Variants in ADAM18 observed in about 807,000 individuals in gnomAD.
ADAM18 encodes the protein ADAM metallopeptidase domain 18.
Under a neutral mutation model 94.4 loss-of-function variants are expected in ADAM18, and 117 were observed. That is an observed-to-expected ratio of 1.24 (90% CI 1.07 to 1.45). The LOEUF (loss-of-function observed/expected upper bound fraction) is 1.45, where lower values mean the gene tolerates loss of function less well. Among genes scored for constraint, ADAM18 ranks in the 40% most tolerant of loss-of-function variants. The pLI, the probability that ADAM18 is intolerant of heterozygous loss-of-function variation, is 0.00. For synonymous variants in ADAM18, 327 were observed against 291.6 expected, an observed-to-expected ratio of 1.12 and a Z score of -1.24; for missense variants, 936 against 880.0, an observed-to-expected ratio of 1.06 and a Z score of -0.81.
chr8:39,690,078 A>G (rs1397778390), intron 16 of ADAM18, among the ~76,000 whole-genome samples: 2 of 152,148 alleles, frequency 1.3e-5, no homozygotes, highest in African/African-American at 4.8e-5. Flanking sequence ...GACTTTGCTG[A>G]AGTTGTTTAT....
intron 18 of ADAM18, among the ~76,000 whole-genome samples, chr8:39,714,369 C>T (rs1185962947): frequency 1.3e-5 from 2 of 152,066 alleles, no homozygotes; most frequent in South Asian, 2.1e-4. Context: ...AGCAAACCAA[C>T]ATAGCACATG....
At chr8:39,608,114 A>G (rs1405187724) in intron 3 of ADAM18, among the ~76,000 whole-genome samples, 1 of 152,170 alleles carries the variant, frequency 6.6e-6, no homozygotes, top group Non-Finnish European at 1.5e-5. Flanking sequence ...AGTCGGAGTC[A>G]TACTTGACAT....
At chr8:39,705,070 A>C (rs566414011) in intron 17 of ADAM18, among the ~76,000 whole-genome samples, 1 of 152,104 alleles carries the variant, frequency 6.6e-6, no homozygotes, top group African/African-American at 2.4e-5. Flanking sequence ...GAATTATCAT[A>C]TTTTGGTTTA....
intron 2 of ADAM18, chr8:39,604,721 T>C (rs1007385146): frequency 2.6e-5 from 4 of 152,262 alleles, no homozygotes; most frequent in African/African-American, 9.7e-5. Context: ...CCCATGCCTG[T>C]AGAGCCTGCA....
At chr8:39,645,192 A>G in intron 10 of ADAM18, 146 bp from the exon 11 acceptor site, 1 of 676,452 alleles carries the variant, frequency 1.5e-6, no homozygotes, top group South Asian at 2.4e-5. Context: ...CGGCAGATAA[A>G]TAAATGGCAT....
chr8:39,610,478 A>T, intron 5 of ADAM18, 51 bp from the exon 6 acceptor site: 1 of 1,524,184 alleles, frequency 6.6e-7, no homozygotes. Context: ...TTTTGAAGGG[A>T]TCATTTGTGA....
At chr8:39,612,655 C>T (rs1272461835) in intron 6 of ADAM18, among the ~76,000 whole-genome samples, 3 of 152,166 alleles carry the variant, frequency 2.0e-5, no homozygotes, top group African/African-American at 7.2e-5. Context: ...ACAAAACAAG[C>T]CTGCCTTGCC....
intron 13 of ADAM18, among the ~76,000 whole-genome samples, chr8:39,666,382 T>G (rs531166427): frequency 1.3e-5 from 2 of 152,164 alleles, no homozygotes; most frequent in Non-Finnish European, 2.9e-5. Flanking sequence ...TGTCTCATCC[T>G]TTTTTGAAAT....
intron 16 of ADAM18, among the ~76,000 whole-genome samples, chr8:39,686,910 C>G (rs1048391380): frequency 6.6e-6 from 1 of 152,104 alleles, no homozygotes; most frequent in African/African-American, 2.4e-5. Flanking sequence ...TCATATGAAG[C>G]CAAGAGATCT....
At chr8:39,677,710 A>G (rs1397383510) in intron 15 of ADAM18, among the ~76,000 whole-genome samples, 174 bp downstream of exon 15, 2 of 152,146 alleles carry the variant, frequency 1.3e-5, no homozygotes, top group Non-Finnish European at 2.9e-5. Context: ...CCTTGATATC[A>G]TCCTAAAAAT....
chr8:39,722,361 C>G (rs1314405010), intron 18 of ADAM18, among the ~76,000 whole-genome samples: 2 of 149,408 alleles, frequency 1.3e-5, no homozygotes, highest in South Asian at 4.2e-4. Context: ...AAAATAAAAC[C>G]ATGTCTTTTG....
rs1821420082 is a variant in ADAM18 at position 39,680,334 on chromosome 8, G to T, written c.1821+108G>T. 10 of 1,059,288 alleles carry T rather than the reference G, an allele frequency of 9.4e-6. No homozygotes were observed. The South Asian group carries it at 1.8e-4, about 20-fold the overall frequency. 65.6% of individuals were successfully genotyped at this position (1,059,288 alleles called of 1,614,324 possible). Reference sequence around the variant, plus strand: ...TTATATTGAATGGATTTAAACTTGTGCTGGCATTTATTTCCCATGTGATAT... The same window carrying T: ...TTATATTGAATGGATTTAAACTTGTTCTGGCATTTATTTCCCATGTGATAT... On this transcript the variant is annotated intron_variant, in intron 16 of 19. Transcript: ENST00000265707.
chr8:39,625,772 C>T (rs999474656), intron 6 of ADAM18, among the ~76,000 whole-genome samples: 4 of 151,944 alleles, frequency 2.6e-5, no homozygotes, highest in African/African-American at 9.7e-5. Context: ...TTGCTTTTTT[C>T]AGCATCTGTA....
intron 19 of ADAM18, among the ~76,000 whole-genome samples, chr8:39,727,144 C>G (rs988403721): frequency 7.2e-5 from 11 of 152,150 alleles, no homozygotes; most frequent in South Asian, 2.1e-4. Context: ...TACTTGAACA[C>G]AAGGATGGCA....
chr8:39,603,646 T>C lies in ADAM18; in HGVS notation c.133-2661T>C, dbSNP rs150193051. Reference sequence around the variant, plus strand: ...TTGCTTTATTGCAATGGTTTGGAAATAAACCTGCAACATCTCTGAGGTAAG... The same window carrying C: ...TTGCTTTATTGCAATGGTTTGGAAACAAACCTGCAACATCTCTGAGGTAAG... On this transcript the variant is annotated intron_variant, in intron 2 of 19. Coordinates refer to ENST00000265707, the MANE Select transcript of ADAM18 (RefSeq NM_014237.3). Among the ~76,000 whole-genome samples, 393 of 152,360 alleles carry C rather than the reference T, an allele frequency of 2.6e-3. 2 individuals carry two copies. The highest frequency in any genetic ancestry group is 4.3e-3 in the South Asian group (21 of 4,832).
intron 6 of ADAM18, among the ~76,000 whole-genome samples, chr8:39,618,184 C>T (rs1819502422): frequency 6.6e-6 from 1 of 152,192 alleles, no homozygotes; most frequent in South Asian, 2.1e-4. Context: ...GAGGCTCTCT[C>T]TTTGTTCCCA....
chr8:39,586,792 CTATCTATCTA>C (rs1563263549), intron 2 of ADAM18, among the ~76,000 whole-genome samples: 1 of 136,322 alleles, frequency 7.3e-6, no homozygotes, highest in African/African-American at 2.6e-5. Context: ...ATCTATCTAT[CTATCTATCTA>C]TATCTATCTA....
At chr8:39,677,050 A>G (rs1821320581) in intron 14 of ADAM18, among the ~76,000 whole-genome samples, 1 of 152,232 alleles carries the variant, frequency 6.6e-6, no homozygotes, top group Non-Finnish European at 1.5e-5. Flanking sequence ...AAAGGACAGG[A>G]GGTAGACTCT....
chr8:39,606,065 A>G (rs1434129744), intron 2 of ADAM18, among the ~76,000 whole-genome samples: 3 of 152,166 alleles, frequency 2.0e-5, no homozygotes, highest in Non-Finnish European at 4.4e-5. Flanking sequence ...GTAGTATTCC[A>G]TCATGTATAT....
Sources: gnomAD v4.1 joint callset for allele counts (sites outside exome capture counted in the v4.1 genomes callset) on GRCh38, gnomAD v4.1.1 for gene constraint, MANE v1.5 for transcripts, NCBI Gene and HGNC (gene_info 2026-07-23, HGNC 2026-07-21) for gene names.